Variants in NFATC1 observed in about 807,000 individuals in gnomAD.
The protein encoded by NFATC1 is nuclear factor of activated T-cells, cytoplasmic 1.
Under a neutral mutation model 76.0 loss-of-function variants are expected in NFATC1, and 22 were observed. The ratio of observed to expected loss-of-function variants is 0.29; its 90% CI spans 0.21 to 0.41. The LOEUF (loss-of-function observed/expected upper bound fraction) is 0.41. Among genes scored for constraint, NFATC1 ranks in the 10% least tolerant of loss-of-function variants. The pLI is 1.00. For missense variants in NFATC1, 1,357 were observed against 1,337.7 expected, an observed-to-expected ratio of 1.01 and a Z score of -0.23; for synonymous variants, 704 against 613.1, an observed-to-expected ratio of 1.15 and a Z score of -2.19.
At chr18:79,484,115 C>T (rs565478600) in intron 8 of NFATC1, among the ~76,000 whole-genome samples, 42 of 152,014 alleles carry the variant, frequency 2.8e-4, no homozygotes, top group African/African-American at 8.4e-4. Flanking sequence ...GGGTGGCTGA[C>T]GAGGCGGGGG....
rs552992140 is a variant in NFATC1, at chr18:79,463,674, G to C, written c.1959+2308G>C. On this transcript the variant is annotated intron_variant, in intron 7 of 9. Coordinates refer to ENST00000427363, the MANE Select transcript of NFATC1 (RefSeq NM_001278669.2). ...CCCACTGGGCTGCCCTTGCTCTGCT[G>C]TGCGTCTGTGCTGGGTACACTGACA... Among the ~76,000 whole-genome samples the C allele has an allele frequency of 5.8e-4, 89 of 152,362 alleles. 1 individual carries two copies. In the South Asian group the frequency reaches 0.011, roughly 18 times the overall value.
At position 79,488,298 on chromosome 18, in the gene NFATC1, TTGTGTGTGTGTGTGTG is replaced by T. The variant is rs3222211; in HGVS notation, c.2782+1384_2782+1399del. 8.1e-4 allele frequency among the ~76,000 whole-genome samples: 114 copies of T among 140,850 alleles called. 2 individuals carry two copies. In the East Asian group the frequency reaches 0.011, roughly 14 times the overall value. 92.4% of individuals were successfully genotyped at this position (140,850 alleles called of 152,430 possible). On this transcript the variant is annotated intron_variant, in intron 9 of 9. Transcript: ENST00000427363. ...TGTCCCATGGAGCCCGCAGCCCTGG[TTGTGTGTGTGTGTGTG>T]TGTGTGTGTGTGTGTGTGTGTGAAC... is the stretch of plus-strand genomic sequence containing the variant.
chr18:79,411,885 G>A (rs2085701133), intron 2 of NFATC1, among the ~76,000 whole-genome samples: 1 of 152,220 alleles, frequency 6.6e-6, no homozygotes, highest in Admixed American at 6.5e-5. Context: ...CCCTAAGGAG[G>A]GCTCACACAC....
chr18:79,410,129 G>A lies in NFATC1; in HGVS notation c.128-274G>A. 4.0e-6 allele frequency: 3 copies of A among 750,550 alleles called. No homozygotes were observed. Among genetic ancestry groups the A allele is most frequent in the Non-Finnish European group, 4.9e-6 (2 of 409,716 alleles). The allele number at this position is 750,550 out of a possible 1,614,324, so 46.5% of individuals were successfully genotyped here. A position where few individuals can be genotyped will look rare whatever the true frequency, so the allele number is the denominator to read the frequency against. ...GTGAGGACCCGGCCGCCTCTCCCTG[G>A]GAAGGACGTTCGGGGGCTTGTGCTG... On this transcript the variant is annotated intron_variant, in intron 1 of 9. Coordinates refer to ENST00000427363, the MANE Select transcript of NFATC1 (RefSeq NM_001278669.2). This position sits in a 1 kb window ranked among gnomAD's most constrained non-coding sequence, Gnocchi z 6.7.
chr18:79,475,564 C>G (rs906397273), intron 8 of NFATC1, among the ~76,000 whole-genome samples: 1 of 150,114 alleles, frequency 6.7e-6, no homozygotes, highest in African/African-American at 2.5e-5. Flanking sequence ...TGTTCTCACG[C>G]TCACTGTCGA....
chr18:79,464,620 G>C lies in NFATC1; in HGVS notation c.1960-2830G>C, dbSNP rs1455127076. On this transcript the variant is annotated intron_variant, in intron 7 of 9. Transcript: ENST00000427363. ...TCACGCAGACACACACACACACACA[G>C]AGTACATTATATTGTGGATATATGT... 5.8e-5 allele frequency among the ~76,000 whole-genome samples: 7 copies of C among 119,908 alleles called. No homozygotes were observed. In the South Asian group the frequency reaches 1.2e-3, roughly 21 times the overall value. 78.7% of individuals were successfully genotyped at this position (119,908 alleles called of 152,430 possible).
Position 79,465,379 on chromosome 18 carries a change from C to T in NFATC1, c.1960-2071C>T, listed in dbSNP as rs1568995548. ...CACCGTCCAGCATGCCCCACAGGGT[C>T]CCACCTCCACCCATCCAGCCTGCCT... On this transcript the variant is annotated intron_variant, in intron 7 of 9. Transcript: ENST00000427363. The surrounding 1 kb of genome is among the most constrained non-coding windows in gnomAD (Gnocchi z 4.2). 6.6e-6 allele frequency among the ~76,000 whole-genome samples: 1 copy of T among 152,186 alleles called. No individual in the cohort carries two copies. Among genetic ancestry groups the T allele is most frequent in the Non-Finnish European group, 1.5e-5 (1 of 68,024 alleles).
At chr18:79,488,006 C>T (rs1040914511) in intron 9 of NFATC1, among the ~76,000 whole-genome samples, 1 of 152,206 alleles carries the variant, frequency 6.6e-6, no homozygotes, top group Admixed American at 6.5e-5. Context: ...TGCCCACTCC[C>T]TGCTCAGTGG....
chr18:79,449,776 G>A (rs2087381611), intron 4 of NFATC1, among the ~76,000 whole-genome samples: 1 of 152,208 alleles, frequency 6.6e-6, no homozygotes, highest in Non-Finnish European at 1.5e-5. Flanking sequence ...AGCCCCGGGG[G>A]TGGGTGCAGA....
rs1297958440 is a variant in NFATC1 at position 79,486,580 on chromosome 18, A to C, written c.2425A>C (p.Thr809Pro). 1 of 1,591,272 alleles carries C rather than the reference A, an allele frequency of 6.3e-7. No individual in the cohort carries two copies. The highest frequency in any genetic ancestry group is 8.5e-7 in the Non-Finnish European group (1 of 1,173,420). Residue 809 changes from threonine (T) to proline (P), a missense_variant, in exon 9 of 10, where the codon ACG becomes CCG. Around this residue, in one of 3 missense-constraint regions of NFATC1, gnomAD observed 424 missense variants for 395.4 expected, o/e 1.07. Transcript: ENST00000427363. ...AVQDVPRPVA[T>P]HPGSPGQPPP... ...CCAGGACGTGCCCAGGCCAGTGGCC[A>C]CGCACCCCGGCTCGCCCGGGCAGCC...
chr18:79,471,120 C>T (rs1350731658), intron 8 of NFATC1, among the ~76,000 whole-genome samples: 1 of 152,168 alleles, frequency 6.6e-6, no homozygotes, highest in Non-Finnish European at 1.5e-5. Context: ...GCTTGTCTGT[C>T]ACTGTTTTTG....
Position 79,410,474 on chromosome 18 carries a change from G to A in NFATC1, c.199G>A (p.Ala67Thr), listed in dbSNP as rs766788174. 1.2e-6 allele frequency: 2 copies of A among 1,612,214 alleles called. No individual in the cohort carries two copies. Among genetic ancestry groups the A allele is most frequent in the African/African-American group, 1.3e-5 (1 of 74,976 alleles). Residue 67 changes from alanine to threonine, a missense_variant, in exon 2 of 10, where the codon GCC (alanine) becomes ACC (threonine). Ala to Thr is a moderately conservative substitution (Grantham distance 58, BLOSUM62 0). Coordinates refer to ENST00000427363, the MANE Select transcript of NFATC1 (RefSeq NM_001278669.2). The surrounding 1 kb of genome is among the most constrained non-coding windows in gnomAD (Gnocchi z 6.7). ...CCCCACGGCGCACTCCACCCTGCCG[G>A]CCCCGTGCCACAACCTTCAGACCTC... ...PLPTAHSTLP[A>T]PCHNLQTSTP...
chr18:79,424,495 GTC>G (rs2086212489), intron 2 of NFATC1, among the ~76,000 whole-genome samples: 1 of 149,144 alleles, frequency 6.7e-6, no homozygotes, highest in Non-Finnish European at 1.5e-5. Context: ...CTCCATCTCT[GTC>G]TCTCTCCGTC....
At chr18:79,404,619 ATG>A (rs889697294) in intron 1 of NFATC1, among the ~76,000 whole-genome samples, 1 of 152,228 alleles carries the variant, frequency 6.6e-6, no homozygotes, top group African/African-American at 2.4e-5. Context: ...GCTGAAGGGA[ATG>A]TTCCTTAAAA....
intron 9 of NFATC1, among the ~76,000 whole-genome samples, chr18:79,516,912 C>A (rs2090399019): frequency 6.6e-6 from 1 of 152,170 alleles, no homozygotes; most frequent in Non-Finnish European, 1.5e-5. Context: ...CCATACAAGT[C>A]TAAATGTGTA....
intron 1 of NFATC1, among the ~76,000 whole-genome samples, chr18:79,401,336 C>T (rs138175582): frequency 5.9e-5 from 9 of 152,234 alleles, no homozygotes; most frequent in East Asian, 5.8e-4. Flanking sequence ...TCATATTTTC[C>T]GTATCGTTCA....
chr18:79,432,144 G>A (rs2086612697), intron 2 of NFATC1, among the ~76,000 whole-genome samples: 1 of 152,262 alleles, frequency 6.6e-6, no homozygotes, highest in South Asian at 2.1e-4. Flanking sequence ...TTCTCGAGAA[G>A]CTGCCCCGCA....
In NFATC1 at chr18:79,396,236, C is replaced by G. The variant is rs1600555246; in HGVS notation, c.12C>G (p.Thr4=). 6.7e-7 allele frequency: 1 copy of G among 1,494,758 alleles called. No individual in the cohort carries two copies. Among genetic ancestry groups the G allele is most frequent in the Middle Eastern group, 2.0e-4 (1 of 4,910 alleles). 92.6% of individuals were successfully genotyped at this position (1,494,758 alleles called of 1,614,324 possible). A position where few individuals can be genotyped will look rare whatever the true frequency, so the allele number is the denominator to read the frequency against. Residue 4 remains threonine (T), a synonymous_variant, in exon 1 of 10, where the codon ACC becomes ACG. Transcript: ENST00000427363. ...CCGCCGCCGCGCGGATGCCAAGCAC[C>G]AGCTTTCCAGTCCCTTCCAAGTTTC... MPS[T]SFPVPSKFPL...
In NFATC1 at chr18:79,430,016, A is replaced by G. The variant is rs1452006601; in HGVS notation, c.1227-3563A>G. 2.0e-5 allele frequency among the ~76,000 whole-genome samples: 3 copies of G among 152,384 alleles called. No homozygotes were observed. The East Asian group carries it at 5.8e-4, about 29-fold the overall frequency. On this transcript the variant is annotated intron_variant, in intron 2 of 9. Transcript: ENST00000427363. ...TGTTCAGTGCAGCCACATGCCGTGC[A>G]GACGTGTACTGGGGAGCCGTGGGCC...
Sources: gnomAD v4.1 joint callset for allele counts (sites outside exome capture counted in the v4.1 genomes callset) on GRCh38, gnomAD v4.1.1 for gene constraint, gnomAD v4.1.1 regional missense constraint, Gnocchi (gnomAD v3.1) non-coding constraint, MANE v1.5 for transcripts, NCBI Gene and HGNC (gene_info 2026-07-23, HGNC 2026-07-21) for gene names.